The following BTBD9 variants were observed in gnomAD, a reference collection of about 807,000 sequenced individuals.
BTBD9 encodes BTB/POZ domain-containing protein 9.
Under a neutral mutation model 64.3 loss-of-function variants are expected in BTBD9, and 49 were observed. That is an observed-to-expected ratio of 0.76 (90% CI 0.61 to 0.97). The LOEUF is 0.97. BTBD9 is among the 50% of genes least tolerant of loss of function. The pLI, the probability that BTBD9 is intolerant of heterozygous loss-of-function variation, is 0.00. For missense variants in BTBD9, 598 were observed against 762.1 expected (o/e 0.78, Z 2.53); for synonymous variants, 260 against 274.7 (o/e 0.95, Z 0.53).
intron 4 of BTBD9, among the ~76,000 whole-genome samples, chr6:38,581,783 T>C (rs78978017): frequency 0.019 from 2,949 of 152,288 alleles, 49 homozygotes; most frequent in Non-Finnish European, 0.028. Context: ...ATCCCCCAGG[T>C]GTTTCTGTTT....
chr6:38,607,375 T>C (rs1319044286), intron 1 of BTBD9, among the ~76,000 whole-genome samples: 1 of 152,176 alleles, frequency 6.6e-6, no homozygotes, highest in Non-Finnish European at 1.5e-5. Flanking sequence ...ATTTTATGCA[T>C]GTTCATATGT....
intron 7 of BTBD9, among the ~76,000 whole-genome samples, chr6:38,306,651 T>C (rs1312528892): frequency 6.6e-6 from 1 of 152,200 alleles, no homozygotes; most frequent in Non-Finnish European, 1.5e-5. Flanking sequence ...CTAAATTTAA[T>C]TCAGGAGTAA....
chr6:38,428,468 T>C (rs1353447347), intron 6 of BTBD9, among the ~76,000 whole-genome samples: 1 of 148,068 alleles, frequency 6.8e-6, no homozygotes, highest in Non-Finnish European at 1.5e-5. Context: ...CGCGGCTCAC[T>C]GCAGCCTCGA....
intron 6 of BTBD9, among the ~76,000 whole-genome samples, chr6:38,540,565 A>C (rs1774227157): frequency 6.6e-6 from 1 of 152,250 alleles, no homozygotes; most frequent in Admixed American, 6.5e-5. Context: ...ATGGTATAAA[A>C]GTAGACACAA....
At chr6:38,639,516 A>C (rs527332031) in intron 1 of BTBD9, among the ~76,000 whole-genome samples, 1 of 152,242 alleles carries the variant, frequency 6.6e-6, no homozygotes, top group African/African-American at 2.4e-5. Context: ...GCTGCCCCTG[A>C]TTCGAACTCC....
intron 9 of BTBD9, among the ~76,000 whole-genome samples, chr6:38,199,289 G>T (rs140691007): frequency 6.6e-6 from 1 of 152,110 alleles, no homozygotes; most frequent in South Asian, 2.1e-4. Flanking sequence ...TCAGGCCCCC[G>T]TGATACAGTC....
At chr6:38,588,511 TG>T in intron 4 of BTBD9, 1 of 846,680 alleles carries the variant, frequency 1.2e-6, no homozygotes, top group Non-Finnish European at 1.8e-6. Context: ...ATACCAAACC[TG>T]GACCTGGTTA....
intron 7 of BTBD9, among the ~76,000 whole-genome samples, chr6:38,337,479 C>T (rs1205072501): frequency 6.6e-6 from 1 of 152,190 alleles, no homozygotes; most frequent in Non-Finnish European, 1.5e-5. Context: ...CTGTAATGCT[C>T]CTTAATATTT....
chr6:38,231,564 G>C (rs570402241), intron 9 of BTBD9, among the ~76,000 whole-genome samples: 1 of 152,276 alleles, frequency 6.6e-6, no homozygotes, highest in Admixed American at 6.5e-5. Context: ...TATTTACTTA[G>C]AATTCCATCA....
At chr6:38,365,185 T>G (rs943120599) in intron 6 of BTBD9, among the ~76,000 whole-genome samples, 3 of 152,218 alleles carry the variant, frequency 2.0e-5, no homozygotes, top group Admixed American at 6.5e-5. Flanking sequence ...CTTACCTGTT[T>G]TCACTCATTA....
chr6:38,504,211 G>A (rs759648038), intron 6 of BTBD9, among the ~76,000 whole-genome samples: 13 of 152,092 alleles, frequency 8.5e-5, no homozygotes, highest in African/African-American at 1.2e-4. Context: ...AACTGCATAC[G>A]GCTAGAGAAA....
rs1766941810 is a variant in BTBD9, at chr6:38,175,093, G to A, written c.1731C>T (p.Ser577=). Residue 577 remains serine (S), a synonymous_variant, in exon 11 of 11, where the codon AGC becomes AGT. Transcript: ENST00000481247. ...NSEESGTGDT[S]LAGQQLDSHA... ...GGGAGTCGAGCTGCTGACCGGCCAG[G>A]CTGGTGTCCCCTGTCCCCGATTCCT... 1.2e-6 allele frequency: 2 copies of A among 1,614,142 alleles called. No homozygotes were observed. Among genetic ancestry groups the A allele is most frequent in the African/African-American group, 1.3e-5 (1 of 74,960 alleles).
chr6:38,379,673 G>T (rs1420370864), intron 6 of BTBD9, among the ~76,000 whole-genome samples: 1 of 152,112 alleles, frequency 6.6e-6, no homozygotes, highest in Non-Finnish European at 1.5e-5. Context: ...CTACTAGAAG[G>T]TGTAAAAAAG....
intron 1 of BTBD9, among the ~76,000 whole-genome samples, chr6:38,624,881 T>C (rs561038154): frequency 1.5e-4 from 23 of 152,312 alleles, no homozygotes; most frequent in South Asian, 1.4e-3. Flanking sequence ...TTTAGGAGAA[T>C]AGTTAATCTT....
At chr6:38,276,443 A>G (rs933320216) in intron 8 of BTBD9, among the ~76,000 whole-genome samples, 18 of 152,258 alleles carry the variant, frequency 1.2e-4, no homozygotes, top group Non-Finnish European at 1.2e-4. Flanking sequence ...GCACATGTAT[A>G]CATATGTAAC....
rs181679788 is a variant in BTBD9, at chr6:38,593,295, A to C, written c.550-455T>G. 2.6e-5 allele frequency among the ~76,000 whole-genome samples: 4 copies of C among 152,352 alleles called. No individual in the cohort carries two copies. The East Asian group carries it at 5.8e-4, about 22-fold the overall frequency. On this transcript the variant is annotated intron_variant, in intron 3 of 10. Transcript: ENST00000481247. ...AACTGACCTCCAGGAACAATGTTGCAACCCTCAAAGATCATTGTCTTTAAA... is the reference window on the plus strand; with the variant it reads ...AACTGACCTCCAGGAACAATGTTGCCACCCTCAAAGATCATTGTCTTTAAA...
intron 6 of BTBD9, among the ~76,000 whole-genome samples, chr6:38,470,999 G>A (rs192905048): frequency 7.9e-5 from 12 of 152,242 alleles, no homozygotes; most frequent in African/African-American, 2.9e-4. Flanking sequence ...AATTCTTTGG[G>A]AGTTGTTTAT....
chr6:38,545,794 A>T (rs1167956126), intron 6 of BTBD9, among the ~76,000 whole-genome samples: 1 of 151,252 alleles, frequency 6.6e-6, no homozygotes, highest in Non-Finnish European at 1.5e-5. Flanking sequence ...AAAAAAAAAA[A>T]AAAAGAATGA....
chr6:38,428,715 CT>C (rs1168857802), intron 6 of BTBD9, among the ~76,000 whole-genome samples: 255 of 138,100 alleles, frequency 1.8e-3, no homozygotes, highest in Middle Eastern at 3.8e-3. Flanking sequence ...TTCGTTTTTT[CT>C]TTTTTTTTTT....
Sources: gnomAD v4.1 joint callset for allele counts (sites outside exome capture counted in the v4.1 genomes callset) on GRCh38, gnomAD v4.1.1 for gene constraint, MANE v1.5 for transcripts, NCBI Gene and HGNC (gene_info 2026-07-23, HGNC 2026-07-21) for gene names.